Variants in CNTN3 observed in about 807,000 individuals in gnomAD.
CNTN3 encodes contactin-3.
CNTN3 carries 60 observed loss-of-function variants against 119.1 expected under a neutral mutation model. That is an observed-to-expected ratio of 0.50 (90% CI 0.41 to 0.62). The LOEUF is 0.62. Ranked by LOEUF, CNTN3 falls within the 20% of genes least tolerant of loss-of-function variation. The probability of loss-of-function intolerance (pLI) is 0.00; values close to 1 mark genes in which losing one functional copy is unlikely to be tolerated. For synonymous variants in CNTN3, 450 were observed against 438.7 expected (o/e 1.03, Z -0.32); for missense variants, 1,101 against 1,242.4 (o/e 0.89, Z 1.71).
chr3:74,602,026 A>T (rs1295805128), intron 1 of CNTN3, among the ~76,000 whole-genome samples: 13 of 152,000 alleles, frequency 8.6e-5, no homozygotes, highest in Admixed American at 8.5e-4. Context: ...AAATATGAAC[A>T]GGCCAGGCAT....
At chr3:74,519,104 C>T (rs1489780430) in intron 2 of CNTN3, among the ~76,000 whole-genome samples, 1 of 151,800 alleles carries the variant, frequency 6.6e-6, no homozygotes, top group Non-Finnish European at 1.5e-5. Context: ...CACTGCCTTT[C>T]TAATTCCCTA....
intron 3 of CNTN3, among the ~76,000 whole-genome samples, chr3:74,494,301 A>G (rs1457088989): frequency 6.6e-6 from 1 of 152,154 alleles, no homozygotes; most frequent in Non-Finnish European, 1.5e-5. Flanking sequence ...AAACACAAGA[A>G]AGAGAAACAA....
chr3:74,384,484 T>C (rs1228989646), intron 5 of CNTN3, among the ~76,000 whole-genome samples: 1 of 152,250 alleles, frequency 6.6e-6, no homozygotes, highest in Non-Finnish European at 1.5e-5. Flanking sequence ...GGAATTCTAA[T>C]CTGTTTGATA....
At chr3:74,461,901 C>A (rs1702374465) in intron 4 of CNTN3, among the ~76,000 whole-genome samples, 1 of 152,070 alleles carries the variant, frequency 6.6e-6, no homozygotes, top group Non-Finnish European at 1.5e-5. Flanking sequence ...GGATATTAAG[C>A]AAACTATGCC....
intron 21 of CNTN3, 43 bp downstream of exon 21, chr3:74,267,223 G>T: frequency 7.9e-7 from 1 of 1,269,078 alleles, no homozygotes; most frequent in Non-Finnish European, 1.2e-6. Context: ...GAAAAGTACT[G>T]CCAAAATTAC....
intron 3 of CNTN3, among the ~76,000 whole-genome samples, chr3:74,491,186 G>A (rs1169880146): frequency 1.3e-5 from 2 of 152,216 alleles, no homozygotes; most frequent in East Asian, 1.9e-4. Flanking sequence ...AGTATGTCTA[G>A]TATTTTCATT....
chr3:74,487,300 C>T (rs1002120952), intron 3 of CNTN3, among the ~76,000 whole-genome samples: 1 of 152,058 alleles, frequency 6.6e-6, no homozygotes, highest in Non-Finnish European at 1.5e-5. Context: ...AGGTTTTAAG[C>T]TGAAAGTTTT....
chr3:74,374,071 G>A (rs1245078017), intron 5 of CNTN3, among the ~76,000 whole-genome samples: 1 of 152,118 alleles, frequency 6.6e-6, no homozygotes, highest in Non-Finnish European at 1.5e-5. Context: ...AGGTGCTAAT[G>A]CTGGCTCGTT....
intron 20 of CNTN3, among the ~76,000 whole-genome samples, chr3:74,267,754 A>T (rs1209986759): frequency 6.6e-6 from 1 of 152,038 alleles, no homozygotes; most frequent in East Asian, 1.9e-4. Flanking sequence ...AAACACGTCG[A>T]TGGGGGGGAT....
At chr3:74,406,804 T>G (rs2106861335) in intron 5 of CNTN3, among the ~76,000 whole-genome samples, 1 of 152,204 alleles carries the variant, frequency 6.6e-6, no homozygotes. Flanking sequence ...AAAATATAAA[T>G]AACAGCACAT....
intron 1 of CNTN3, among the ~76,000 whole-genome samples, chr3:74,537,665 C>CA (rs1165647984): frequency 6.6e-6 from 1 of 152,134 alleles, no homozygotes; most frequent in African/African-American, 2.4e-5. Context: ...AAGGATGGAA[C>CA]AAAACTTCAT....
At chr3:74,519,238 G>A (rs1703502750) in intron 2 of CNTN3, among the ~76,000 whole-genome samples, 1 of 151,668 alleles carries the variant, frequency 6.6e-6, no homozygotes, top group South Asian at 2.1e-4. Flanking sequence ...TTTGTCACAT[G>A]TAAATTAATC....
intron 4 of CNTN3, among the ~76,000 whole-genome samples, chr3:74,447,656 T>C (rs748941309): frequency 6.6e-6 from 1 of 152,170 alleles, no homozygotes; most frequent in Non-Finnish European, 1.5e-5. Context: ...GATGGCATGA[T>C]GATACCCTCA....
intron 4 of CNTN3, among the ~76,000 whole-genome samples, chr3:74,477,312 G>A (rs959401099): frequency 2.0e-5 from 3 of 152,108 alleles, no homozygotes; most frequent in African/African-American, 7.2e-5. Flanking sequence ...TCTGTGCCTT[G>A]AGCAATACAC....
intron 5 of CNTN3, among the ~76,000 whole-genome samples, chr3:74,406,776 A>G (rs1705334910): frequency 6.6e-6 from 1 of 151,908 alleles, no homozygotes; most frequent in South Asian, 2.1e-4. Context: ...GCACACACAC[A>G]TACAAAGGGA....
At chr3:74,485,597 T>C (rs1702840329) in intron 4 of CNTN3, among the ~76,000 whole-genome samples, 1 of 152,096 alleles carries the variant, frequency 6.6e-6, no homozygotes. Flanking sequence ...ACAGAAAGAA[T>C]ACTACCTCAT....
intron 3 of CNTN3, among the ~76,000 whole-genome samples, chr3:74,491,319 G>C (rs1255420741): frequency 1.4e-5 from 2 of 145,368 alleles, no homozygotes; most frequent in Non-Finnish European, 3.1e-5. Context: ...TGGGCAACAC[G>C]GAGAAACCAT....
At position 74,458,002 on chromosome 3, in the gene CNTN3, C is replaced by G. The variant is rs78798528; in HGVS notation, c.358+28454G>C. On this transcript the variant is annotated intron_variant, in intron 4 of 22. Transcript: ENST00000263665. ...CAATTTATCATGTATACTAAGACAC[C>G]TTTGAAAATAAAAATAAGACTAGGC... Among the ~76,000 whole-genome samples, 1,300 of 152,010 alleles carry G rather than the reference C, an allele frequency of 8.6e-3. 14 individuals are homozygous for G. The highest frequency in any genetic ancestry group is 0.03 in the African/African-American group (1,235 of 41,492).
chr3:74,422,660 C>A (rs1559594021), intron 5 of CNTN3, among the ~76,000 whole-genome samples: 2 of 152,134 alleles, frequency 1.3e-5, no homozygotes, highest in South Asian at 4.1e-4. Flanking sequence ...AATACTTAAA[C>A]AAAATCACTC....
Sources: gnomAD v4.1 joint callset for allele counts (sites outside exome capture counted in the v4.1 genomes callset) on GRCh38, gnomAD v4.1.1 for gene constraint, MANE v1.5 for transcripts, NCBI Gene and HGNC (gene_info 2026-07-23, HGNC 2026-07-21) for gene names.